Variants in SEZ6L observed in about 807,000 individuals in gnomAD.
SEZ6L encodes seizure 6-like protein.
SEZ6L carries 37 observed loss-of-function variants against 106.2 expected under a neutral mutation model. The observed-to-expected ratio is 0.35, with a 90% CI of 0.27 to 0.46. The LOEUF (loss-of-function observed/expected upper bound fraction) is 0.46, where lower values mean the gene tolerates loss of function less well. SEZ6L is among the 20% of genes least tolerant of loss of function. The pLI is 1.00. For synonymous variants in SEZ6L, 541 were observed against 570.4 expected (o/e 0.95, Z 0.73); for missense variants, 1,172 against 1,332.8 (o/e 0.88, Z 1.88).
At chr22:26,248,371 G>A (rs1176579709) in intron 1 of SEZ6L, among the ~76,000 whole-genome samples, 1 of 152,070 alleles carries the variant, frequency 6.6e-6, no homozygotes, top group Non-Finnish European at 1.5e-5. Context: ...TTTGTTTAGA[G>A]AGAGACAGGG....
At chr22:26,236,007 C>T (rs1370646580) in intron 1 of SEZ6L, among the ~76,000 whole-genome samples, 1 of 152,244 alleles carries the variant, frequency 6.6e-6, no homozygotes, top group African/African-American at 2.4e-5. Flanking sequence ...CTGGCCTTGG[C>T]CTGGCCTTGG....
chr22:26,365,668 T>C, intron 13 of SEZ6L, 102 bp downstream of exon 13: 6 of 1,107,898 alleles, frequency 5.4e-6, no homozygotes, highest in Non-Finnish European at 7.6e-6. Context: ...GGACTAGGAG[T>C]TCGAGACCAG....
At chr22:26,260,856 G>C (rs1476009722) in intron 1 of SEZ6L, among the ~76,000 whole-genome samples, 1 of 152,138 alleles carries the variant, frequency 6.6e-6, no homozygotes, top group African/African-American at 2.4e-5. Context: ...CAGCAGTGTA[G>C]AAGTGTCCCC....
chr22:26,361,348 A>AC (rs1491331506), intron 12 of SEZ6L, among the ~76,000 whole-genome samples: 3 of 149,076 alleles, frequency 2.0e-5, no homozygotes, highest in Non-Finnish European at 1.5e-5. Flanking sequence ...AAATACAAAA[A>AC]CAAAAAAAAT....
Position 26,347,628 on chromosome 22 carries a change from T to A in SEZ6L, c.2213-91T>A, listed in dbSNP as rs73404668. 2.6e-3 allele frequency: 2,881 copies of A among 1,096,952 alleles called. 58 individuals carry two copies. The African/African-American group carries it at 0.042, about 16-fold the overall frequency. The allele number at this position is 1,096,952 out of a possible 1,614,324, so 68.0% of individuals were successfully genotyped here. On this transcript the variant is annotated intron_variant, in intron 10 of 16. Coordinates refer to ENST00000248933, the MANE Select transcript of SEZ6L (RefSeq NM_021115.5). ...GTTGCTCATTTCTAGAGGCTTTTTTTTCTCTTCGCTCATCCCTCTAGCCGT... is the reference window on the plus strand; with the variant it reads ...GTTGCTCATTTCTAGAGGCTTTTTTATCTCTTCGCTCATCCCTCTAGCCGT...
At chr22:26,179,310 C>T (rs888228902) in intron 1 of SEZ6L, among the ~76,000 whole-genome samples, 7 of 152,146 alleles carry the variant, frequency 4.6e-5, no homozygotes, top group Admixed American at 3.9e-4. Context: ...GGATCCACTG[C>T]AGCCCAGGAG....
chr22:26,196,002 T>C (rs1410752330), intron 1 of SEZ6L, among the ~76,000 whole-genome samples: 1 of 152,112 alleles, frequency 6.6e-6, no homozygotes, highest in African/African-American at 2.4e-5. Flanking sequence ...ATGAGTGATA[T>C]AGTTTTGATC....
chr22:26,351,270 C>T, intron 12 of SEZ6L, 27 bp downstream of exon 12: 1 of 1,602,914 alleles, frequency 6.2e-7, no homozygotes, highest in East Asian at 2.2e-5. Context: ...GAATTGGGCC[C>T]CCAGTAGGTA....
In SEZ6L at chr22:26,272,291, C is replaced by T. The variant is rs569165185; in HGVS notation, c.95-20115C>T. ...TGTTCTTACAATTGGGGGGAGTTTTCTATGTCCGAGTTACATTCAATAAAA... is the reference window on the plus strand; with the variant it reads ...TGTTCTTACAATTGGGGGGAGTTTTTTATGTCCGAGTTACATTCAATAAAA... On this transcript the variant is annotated intron_variant, in intron 1 of 16. Transcript: ENST00000248933. Among the ~76,000 whole-genome samples the T allele has an allele frequency of 9.9e-5, 15 of 152,260 alleles. No individual in the cohort carries two copies. The South Asian group carries it at 2.7e-3, about 27-fold the overall frequency.
At chr22:26,331,450 T>A (rs911895761) in intron 9 of SEZ6L, among the ~76,000 whole-genome samples, 3 of 152,214 alleles carry the variant, frequency 2.0e-5, no homozygotes, top group Non-Finnish European at 4.4e-5. Flanking sequence ...CTCTCCTCCC[T>A]AGAGGCAATT....
chr22:26,193,212 G>A (rs957134877), intron 1 of SEZ6L, among the ~76,000 whole-genome samples: 6 of 152,156 alleles, frequency 3.9e-5, no homozygotes, highest in Non-Finnish European at 8.8e-5. Flanking sequence ...TTTGAACATG[G>A]GAAAATAAGA....
rs148316021 is a variant in SEZ6L at position 26,375,754 on chromosome 22, G to A, written c.2942+65G>A. The A allele has an allele frequency of 2.4e-4, 301 of 1,251,738 alleles. No homozygotes were observed. In the East Asian group the frequency reaches 7.1e-3, roughly 30 times the overall value. The allele number at this position is 1,251,738 out of a possible 1,614,324, so 77.5% of individuals were successfully genotyped here. ...CCACCAGTACTCAGAGGGACTGGGC[G>A]GTTCACCTCTCTGAGCCTCAGGGTC... On this transcript the variant is annotated intron_variant, in intron 15 of 16. Transcript: ENST00000248933.
At chr22:26,254,571 T>C (rs1045805388) in intron 1 of SEZ6L, among the ~76,000 whole-genome samples, 2 of 152,080 alleles carry the variant, frequency 1.3e-5, no homozygotes, top group African/African-American at 4.8e-5. Flanking sequence ...TGAGCTATGA[T>C]TGTGACACTG....
rs1413705601 is a variant in SEZ6L at position 26,323,301 on chromosome 22, G to A, written c.2015+9399G>A. Among the ~76,000 whole-genome samples the A allele has an allele frequency of 2.6e-5, 4 of 152,334 alleles. No homozygotes were observed. In the East Asian group the frequency reaches 7.7e-4, roughly 29 times the overall value. ...TTTGTTCACTTTATCCCCAGTGTCT[G>A]GCACAAAGAAAGTGCTTGATAAATA... is the stretch of plus-strand genomic sequence containing the variant. On this transcript the variant is annotated intron_variant, in intron 9 of 16. Transcript: ENST00000248933.
intron 10 of SEZ6L, among the ~76,000 whole-genome samples, chr22:26,341,578 A>G (rs688700): frequency 0.48 from 72,676 of 151,876 alleles, 17,758 homozygotes; most frequent in Non-Finnish European, 0.53. Flanking sequence ...TTAAACTCCA[A>G]ATCCATCTAT....
At chr22:26,304,977 A>G (rs993313650) in intron 5 of SEZ6L, among the ~76,000 whole-genome samples, 1 of 152,248 alleles carries the variant, frequency 6.6e-6, no homozygotes, top group African/African-American at 2.4e-5. Flanking sequence ...AGCCTACTAC[A>G]TACCCAGGCT....
chr22:26,193,546 T>C (rs1026381960), intron 1 of SEZ6L, among the ~76,000 whole-genome samples: 3 of 152,226 alleles, frequency 2.0e-5, no homozygotes, highest in Non-Finnish European at 4.4e-5. Context: ...TTTTTTTCTT[T>C]ATTAGACATT....
At chr22:26,181,243 A>G (rs1939369331) in intron 1 of SEZ6L, among the ~76,000 whole-genome samples, 1 of 152,236 alleles carries the variant, frequency 6.6e-6, no homozygotes, top group Non-Finnish European at 1.5e-5. Context: ...ATATGGAAGT[A>G]TGCCACCAAA....
At chr22:26,252,386 A>C (rs2079627784) in intron 1 of SEZ6L, among the ~76,000 whole-genome samples, 1 of 152,184 alleles carries the variant, frequency 6.6e-6, no homozygotes, top group African/African-American at 2.4e-5. Context: ...AGTTCTCAAA[A>C]TTGACAAAGA....
Sources: gnomAD v4.1 joint callset for allele counts (sites outside exome capture counted in the v4.1 genomes callset) on GRCh38, gnomAD v4.1.1 for gene constraint, MANE v1.5 for transcripts, NCBI Gene and HGNC (gene_info 2026-07-23, HGNC 2026-07-21) for gene names.